ZNF804B: variants seen among roughly 807,000 people sequenced by gnomAD.
ZNF804B encodes the protein zinc finger protein 804B.
In ZNF804B, 80 loss-of-function variants were observed where a neutral mutation model predicts 101.4. The ratio of observed to expected loss-of-function variants is 0.79; its 90% CI spans 0.66 to 0.95. The LOEUF (loss-of-function observed/expected upper bound fraction) is 0.95, where lower values mean the gene tolerates loss of function less well. Among genes scored for constraint, ZNF804B ranks in the 40% least tolerant of loss-of-function variants. The pLI is 0.00. For missense variants in ZNF804B, 1,673 were observed against 1,561.9 expected (o/e 1.07, Z -1.20); for synonymous variants, 622 against 558.8 (o/e 1.11, Z -1.59).
rs969612617 is a variant in ZNF804B at position 89,056,581 on chromosome 7, G to A, written c.109-161574G>A. On this transcript the variant is annotated intron_variant, in intron 1 of 3. Transcript: ENST00000333190. ...CTTTTTCTTGCAGTATTTTTGATATGACACTGAAATAGGACTAAACTTCTG... is the reference window on the plus strand; with the variant it reads ...CTTTTTCTTGCAGTATTTTTGATATAACACTGAAATAGGACTAAACTTCTG... 2.6e-5 allele frequency among the ~76,000 whole-genome samples: 4 copies of A among 152,020 alleles called. No individual in the cohort carries two copies. The East Asian group carries it at 7.7e-4, about 29-fold the overall frequency.
rs533300911 is a variant in ZNF804B at position 89,207,848 on chromosome 7, A to G, written c.109-10307A>G. On this transcript the variant is annotated intron_variant, in intron 1 of 3. Transcript: ENST00000333190. Reference sequence around the variant, plus strand: ...TTTGGTAAACATAAACTCTAGGTCAAGAATTCACTGTAATTTAATTGCTTC... The same window carrying G: ...TTTGGTAAACATAAACTCTAGGTCAGGAATTCACTGTAATTTAATTGCTTC... Among the ~76,000 whole-genome samples, 6 of 152,302 alleles carry G rather than the reference A, an allele frequency of 3.9e-5. No homozygotes were observed. In the South Asian group the frequency reaches 1.2e-3, roughly 32 times the overall value.
rs1331824924 is a variant in ZNF804B, at chr7:89,337,859, T to G, written c.*827T>G. Among the ~76,000 whole-genome samples the G allele has an allele frequency of 6.6e-6, 1 of 152,066 alleles. No homozygotes were observed. The highest frequency in any genetic ancestry group is 1.5e-5 in the Non-Finnish European group (1 of 67,952). Reference sequence around the variant, plus strand: ...GTCAAATATAACAGGAACTAAAATATTGTTTATTATTCTTCTACTCAAAAA... The same window carrying G: ...GTCAAATATAACAGGAACTAAAATAGTGTTTATTATTCTTCTACTCAAAAA... On this transcript the variant is annotated 3_prime_UTR_variant, in exon 4 of 4. Coordinates refer to ENST00000333190, the MANE Select transcript of ZNF804B (RefSeq NM_181646.5).
At chr7:89,062,930 G>C (rs368434295) in intron 1 of ZNF804B, among the ~76,000 whole-genome samples, 219 of 152,206 alleles carry the variant, frequency 1.4e-3, no homozygotes, top group African/African-American at 4.9e-3. Flanking sequence ...TGGATTAAAG[G>C]CAGAGTTGTT....
rs141151226 is a variant in ZNF804B at position 89,323,540 on chromosome 7, G to A, written c.250-3804G>A. Among the ~76,000 whole-genome samples the A allele has an allele frequency of 3.4e-4, 52 of 152,200 alleles. No individual in the cohort carries two copies. In the East Asian group the frequency reaches 9.6e-3, roughly 28 times the overall value. On this transcript the variant is annotated intron_variant, in intron 2 of 3. Transcript: ENST00000333190. ...TGATCCTTTTAATAGATGCAAAAAT[G>A]TATTTAATAATATAACACACTTGTA...
intron 1 of ZNF804B, among the ~76,000 whole-genome samples, chr7:88,817,262 G>T (rs1790898213): frequency 6.6e-6 from 1 of 152,078 alleles, no homozygotes; most frequent in Non-Finnish European, 1.5e-5. Context: ...GGATAGCATT[G>T]GGAGATATAC....
chr7:88,839,721 T>A (rs1324476186), intron 1 of ZNF804B, among the ~76,000 whole-genome samples: 1 of 152,032 alleles, frequency 6.6e-6, no homozygotes, highest in Non-Finnish European at 1.5e-5. Context: ...CCAGCCATGT[T>A]AGCAGTTTAA....
intron 1 of ZNF804B, among the ~76,000 whole-genome samples, chr7:89,142,356 A>G (rs1262140813): frequency 6.6e-6 from 1 of 151,862 alleles, no homozygotes; most frequent in Non-Finnish European, 1.5e-5. Flanking sequence ...TAAATTTCTC[A>G]AAGCACTCTT....
intron 2 of ZNF804B, among the ~76,000 whole-genome samples, chr7:89,237,681 C>T (rs561584713): frequency 1.3e-5 from 2 of 152,142 alleles, no homozygotes; most frequent in African/African-American, 4.8e-5. Flanking sequence ...CTTAGGTTCA[C>T]AGCTGGGTGT....
chr7:89,080,654 G>A (rs1789682816), intron 1 of ZNF804B, among the ~76,000 whole-genome samples: 1 of 151,908 alleles, frequency 6.6e-6, no homozygotes, highest in South Asian at 2.1e-4. Flanking sequence ...TGAACATCTT[G>A]AGGAAGAGTC....
chr7:88,816,522 A>C lies in ZNF804B; in HGVS notation c.108+56438A>C, dbSNP rs1367853636. Reference sequence around the variant, plus strand: ...AATATCCAGAATCTACGATGAACTCAAACAAATTTACAAGAAAAAAACAAA... The same window carrying C: ...AATATCCAGAATCTACGATGAACTCCAACAAATTTACAAGAAAAAAACAAA... On this transcript the variant is annotated intron_variant, in intron 1 of 3. Coordinates refer to ENST00000333190, the MANE Select transcript of ZNF804B (RefSeq NM_181646.5). Among the ~76,000 whole-genome samples, 9 of 152,226 alleles carry C rather than the reference A, an allele frequency of 5.9e-5. No homozygotes were observed. In the South Asian group the frequency reaches 6.2e-4, roughly 11 times the overall value.
chr7:88,916,726 CT>C (rs1792637853), intron 1 of ZNF804B, among the ~76,000 whole-genome samples: 1 of 152,036 alleles, frequency 6.6e-6, no homozygotes, highest in South Asian at 2.1e-4. Flanking sequence ...TATAGTAACA[CT>C]TTAGGATGTT....
At chr7:89,042,725 A>G (rs1789035288) in intron 1 of ZNF804B, among the ~76,000 whole-genome samples, 1 of 152,162 alleles carries the variant, frequency 6.6e-6, no homozygotes, top group African/African-American at 2.4e-5. Flanking sequence ...TGAATTCTTC[A>G]TCTTATCCGA....
chr7:88,804,582 A>T (rs1406083087), intron 1 of ZNF804B, among the ~76,000 whole-genome samples: 2 of 151,588 alleles, frequency 1.3e-5, no homozygotes, highest in Non-Finnish European at 2.9e-5. Flanking sequence ...TGATGAGGTG[A>T]CATAAACACA....
intron 1 of ZNF804B, among the ~76,000 whole-genome samples, chr7:88,869,801 T>TG (rs1203049872): frequency 1.3e-5 from 2 of 152,006 alleles, no homozygotes; most frequent in African/African-American, 4.8e-5. Flanking sequence ...AGCAGTGTAG[T>TG]GGGGAAGGGA....
chr7:88,792,323 C>T (rs1790393924), intron 1 of ZNF804B, among the ~76,000 whole-genome samples: 1 of 151,946 alleles, frequency 6.6e-6, no homozygotes, highest in Admixed American at 6.6e-5. Flanking sequence ...ATACAATATG[C>T]CATATTTTCT....
intron 1 of ZNF804B, among the ~76,000 whole-genome samples, chr7:89,078,714 G>A (rs1169397363): frequency 2.0e-5 from 3 of 149,498 alleles, no homozygotes; most frequent in East Asian, 2.0e-4. Flanking sequence ...GCCTCTAAAA[G>A]TATGTCCAGT....
intron 1 of ZNF804B, among the ~76,000 whole-genome samples, chr7:89,135,230 G>C (rs1169808089): frequency 1.3e-5 from 2 of 152,114 alleles, no homozygotes; most frequent in Non-Finnish European, 1.5e-5. Flanking sequence ...ACCTGAGAAA[G>C]TTGGGCATTC....
chr7:88,914,311 C>T (rs1016409041), intron 1 of ZNF804B, among the ~76,000 whole-genome samples: 1 of 152,024 alleles, frequency 6.6e-6, no homozygotes, highest in African/African-American at 2.4e-5. Context: ...TTTAAGTTGC[C>T]GATAGGGTCC....
At chr7:89,063,712 C>G (rs530232637) in intron 1 of ZNF804B, among the ~76,000 whole-genome samples, 1 of 152,144 alleles carries the variant, frequency 6.6e-6, no homozygotes, top group African/African-American at 2.4e-5. Flanking sequence ...CTAAAATTGT[C>G]TGCATCAGTG....
Sources: gnomAD v4.1 joint callset for allele counts (sites outside exome capture counted in the v4.1 genomes callset) on GRCh38, gnomAD v4.1.1 for gene constraint, MANE v1.5 for transcripts, NCBI Gene and HGNC (gene_info 2026-07-23, HGNC 2026-07-21) for gene names.